SLX4IP: variants seen among roughly 807,000 people sequenced by gnomAD.
SLX4IP encodes the protein protein SLX4IP.
Under a neutral mutation model 32.9 loss-of-function variants are expected in SLX4IP, and 34 were observed. That is an observed-to-expected ratio of 1.03 (90% CI 0.79 to 1.38). SLX4IP has a LOEUF of 1.38. SLX4IP is among the 40% of genes most tolerant of loss of function. SLX4IP has a pLI of 0.00. For missense variants in SLX4IP, 444 were observed against 479.0 expected, an observed-to-expected ratio of 0.93 and a Z score of 0.68; for synonymous variants, 172 against 171.7, an observed-to-expected ratio of 1.00 and a Z score of -0.01.
chr20:10,590,453 C>T (rs1414876982), intron 4 of SLX4IP, among the ~76,000 whole-genome samples: 2 of 151,978 alleles, frequency 1.3e-5, no homozygotes, highest in South Asian at 2.1e-4. Context: ...CTCTGCCTCC[C>T]GGGTTCTAGC....
intron 2 of SLX4IP, among the ~76,000 whole-genome samples, chr20:10,491,987 A>G (rs2065627586): frequency 6.6e-6 from 1 of 152,234 alleles, no homozygotes; most frequent in Non-Finnish European, 1.5e-5. Flanking sequence ...TATAAATGGT[A>G]CATGCTGTGC....
At chr20:10,503,385 A>G (rs548652454) in intron 2 of SLX4IP, among the ~76,000 whole-genome samples, 5 of 152,306 alleles carry the variant, frequency 3.3e-5, no homozygotes, top group African/African-American at 9.6e-5. Context: ...CAACCTAGAA[A>G]GTGTGAGCCA....
At chr20:10,495,825 AACATTT>A (rs147252400) in intron 2 of SLX4IP, among the ~76,000 whole-genome samples, 4,060 of 152,066 alleles carry the variant, frequency 0.027, 98 homozygotes, top group Admixed American at 0.096. Flanking sequence ...AAATTTGTAA[AACATTT>A]ACTTTTCAAG....
chr20:10,490,755 T>C (rs142684653), intron 2 of SLX4IP, among the ~76,000 whole-genome samples: 2 of 152,330 alleles, frequency 1.3e-5, no homozygotes, highest in African/African-American at 4.8e-5. Flanking sequence ...CAGTGTTTTT[T>C]TCACCATTGT....
intron 4 of SLX4IP, among the ~76,000 whole-genome samples, chr20:10,572,227 A>G (rs80184140): frequency 0.018 from 2,744 of 152,352 alleles, 64 homozygotes; most frequent in African/African-American, 0.051. Context: ...GATACTAGCT[A>G]GGAAGTGTCA....
intron 6 of SLX4IP, among the ~76,000 whole-genome samples, chr20:10,618,940 T>TGGGGGGGTGGGGGGTG (rs59862780): frequency 2.4e-5 from 1 of 41,774 alleles, no homozygotes; most frequent in Non-Finnish European, 4.9e-5. Context: ...GCTTGGGGGT[T>TGGGGGGGTGGGGGGTG]GGGGGGGCGG....
At chr20:10,572,143 A>T (rs1450172026) in intron 4 of SLX4IP, among the ~76,000 whole-genome samples, 1 of 152,026 alleles carries the variant, frequency 6.6e-6, no homozygotes, top group Non-Finnish European at 1.5e-5. Context: ...TCTTTTAACC[A>T]TTCCTAAGCT....
At chr20:10,527,242 C>T (rs1305875534) in intron 2 of SLX4IP, among the ~76,000 whole-genome samples, 1 of 152,202 alleles carries the variant, frequency 6.6e-6, no homozygotes, top group African/African-American at 2.4e-5. Flanking sequence ...GAAAAGCCAG[C>T]TCGCCCATGA....
chr20:10,526,693 G>A (rs765955831), intron 2 of SLX4IP, among the ~76,000 whole-genome samples: 3 of 152,172 alleles, frequency 2.0e-5, no homozygotes, highest in African/African-American at 4.8e-5. Context: ...GCTCATGCCT[G>A]TAATCCCAGC....
intron 6 of SLX4IP, among the ~76,000 whole-genome samples, chr20:10,620,570 T>C (rs1345206829): frequency 2.0e-5 from 3 of 152,176 alleles, no homozygotes; most frequent in Non-Finnish European, 4.4e-5. Context: ...CTTTTTTTTT[T>C]TGAGACAGAG....
intron 2 of SLX4IP, among the ~76,000 whole-genome samples, chr20:10,511,381 G>C (rs1430714871): frequency 6.6e-6 from 1 of 152,144 alleles, no homozygotes; most frequent in South Asian, 2.1e-4. Flanking sequence ...ACTGCCCTAG[G>C]GATACTGTCA....
At chr20:10,562,219 C>G (rs142306754) in intron 4 of SLX4IP, among the ~76,000 whole-genome samples, 2,377 of 152,288 alleles carry the variant, frequency 0.016, 50 homozygotes, top group Admixed American at 0.069. Flanking sequence ...GGGTTCTTGC[C>G]TTGGTGTACC....
intron 4 of SLX4IP, among the ~76,000 whole-genome samples, chr20:10,577,552 C>CA (rs141143963): frequency 0.071 from 10,765 of 152,034 alleles, 1,156 homozygotes; most frequent in African/African-American, 0.24. Flanking sequence ...TCTGTCTCTA[C>CA]AAAAAAACAT....
At chr20:10,556,098 A>T in intron 2 of SLX4IP, 133 bp from the exon 3 acceptor site, 1 of 676,020 alleles carries the variant, frequency 1.5e-6, no homozygotes, top group Non-Finnish European at 2.5e-6. Context: ...GTTCTTTATT[A>T]AAAGTTCTGT....
At chr20:10,477,868 T>G (rs1184220529) in intron 2 of SLX4IP, among the ~76,000 whole-genome samples, 1 of 151,864 alleles carries the variant, frequency 6.6e-6, no homozygotes, top group Non-Finnish European at 1.5e-5. Flanking sequence ...GTGAAATCTG[T>G]GTGTTGTGGT....
At chr20:10,474,822 G>A (rs1197046039) in intron 2 of SLX4IP, among the ~76,000 whole-genome samples, 1 of 152,170 alleles carries the variant, frequency 6.6e-6, no homozygotes, top group Non-Finnish European at 1.5e-5. Context: ...CTGCCCTTTG[G>A]CCACTGATCT....
chr20:10,473,339 A>G (rs1187682979), intron 2 of SLX4IP, among the ~76,000 whole-genome samples: 1 of 152,216 alleles, frequency 6.6e-6, no homozygotes, highest in South Asian at 2.1e-4. Context: ...TTCTCAGTGT[A>G]TTCCCTGGAC....
chr20:10,605,819 A>C (rs1433198695), intron 6 of SLX4IP, among the ~76,000 whole-genome samples: 1 of 152,192 alleles, frequency 6.6e-6, no homozygotes, highest in Non-Finnish European at 1.5e-5. Flanking sequence ...GACAAGAAAC[A>C]ATATTGAAGC....
chr20:10,588,758 C>G (rs533541624), intron 4 of SLX4IP, among the ~76,000 whole-genome samples: 1 of 152,108 alleles, frequency 6.6e-6, no homozygotes, highest in South Asian at 2.1e-4. Flanking sequence ...GGGGTAGGGA[C>G]AGAGTCTGGC....
Sources: gnomAD v4.1 joint callset for allele counts (sites outside exome capture counted in the v4.1 genomes callset) on GRCh38, gnomAD v4.1.1 for gene constraint, MANE v1.5 for transcripts, NCBI Gene and HGNC (gene_info 2026-07-23, HGNC 2026-07-21) for gene names.